TEX11: variants seen among roughly 807,000 people sequenced by gnomAD.
TEX11 encodes the protein testis-expressed protein 11.
TEX11 carries 7 observed loss-of-function variants against 84.4 expected under a neutral mutation model. The observed-to-expected ratio is 0.08, with a 90% confidence interval of 0.05 to 0.16. The LOEUF (loss-of-function observed/expected upper bound fraction) is 0.16. TEX11 is among the 10% of genes least tolerant of loss of function. The pLI, the probability that TEX11 is intolerant of heterozygous loss-of-function variation, is 1.00. For missense variants in TEX11, 551 were observed against 660.5 expected (o/e 0.83, Z 1.82); for synonymous variants, 264 against 222.8 (o/e 1.18, Z -1.64).
chrX:70,796,707 A>G (rs1401243917), intron 9 of TEX11, among the ~76,000 whole-genome samples: 1 of 112,429 alleles, frequency 8.9e-6, no homozygotes, highest in East Asian at 2.8e-4. Context: ...CTTGCAAGCT[A>G]TGCATCCAAC....
intron 22 of TEX11, 90 bp downstream of exon 22, chrX:70,609,001 G>T: frequency 2.7e-6 from 2 of 732,205 alleles, no homozygotes; most frequent in Non-Finnish European, 4.0e-6. Context: ...TGTACCCACA[G>T]CTACAAATGA....
chrX:70,613,864 T>C (rs1461926069), intron 20 of TEX11, among the ~76,000 whole-genome samples: 1 of 111,283 alleles, frequency 9.0e-6, no homozygotes, highest in Non-Finnish European at 1.9e-5. Context: ...CACAGTAGGA[T>C]AGGGCACTGG....
intron 9 of TEX11, among the ~76,000 whole-genome samples, chrX:70,778,106 C>G (rs950017110): frequency 9.0e-6 from 1 of 111,361 alleles, no homozygotes; most frequent in Non-Finnish European, 1.9e-5. Context: ...ATACTTATAT[C>G]AGAAAAAAAT....
chrX:70,594,260 C>G (rs942256205), intron 24 of TEX11, among the ~76,000 whole-genome samples: 13 of 110,844 alleles, frequency 1.2e-4, no homozygotes, highest in Non-Finnish European at 2.3e-4. Flanking sequence ...AATCTAATAC[C>G]TAGCAAAACT....
intron 9 of TEX11, among the ~76,000 whole-genome samples, chrX:70,746,887 C>T (rs1171308110): frequency 1.8e-5 from 2 of 112,217 alleles, no homozygotes; most frequent in East Asian, 2.8e-4. Context: ...CACCCACTCA[C>T]GCACAATCAG....
At chrX:70,612,972 A>T (rs1440762741) in intron 20 of TEX11, among the ~76,000 whole-genome samples, 1 of 112,145 alleles carries the variant, frequency 8.9e-6, no homozygotes, top group African/African-American at 3.2e-5. Flanking sequence ...AAAGATAAGA[A>T]TTACATTCTA....
chrX:70,810,674 A>G (rs913086587), intron 8 of TEX11, among the ~76,000 whole-genome samples: 1 of 110,877 alleles, frequency 9.0e-6, no homozygotes, highest in African/African-American at 3.3e-5. Context: ...GGATAGCATT[A>G]GGAGAAATAC....
chrX:70,869,031 TTAAAGTAAAATAAAATAAAA>T (rs2091614419), intron 4 of TEX11, among the ~76,000 whole-genome samples: 1 of 65,951 alleles, frequency 1.5e-5, no homozygotes, highest in East Asian at 3.6e-4. Flanking sequence ...ATCCCAGAAC[TTAAAGTAAAATAAAATAAAA>T]TAAAATAAAA....
chrX:70,550,183 A>T (rs1408654067), intron 28 of TEX11, among the ~76,000 whole-genome samples: 1 of 112,909 alleles, frequency 8.9e-6, no homozygotes, highest in African/African-American at 3.2e-5. Context: ...AAAACTGGAT[A>T]TCCATATGCA....
chrX:70,895,134 C>G (rs1166318505), intron 2 of TEX11, among the ~76,000 whole-genome samples: 3 of 111,122 alleles, frequency 2.7e-5, no homozygotes, highest in Non-Finnish European at 5.7e-5. Context: ...TTAGACAACC[C>G]CATCATCTCA....
chrX:70,826,469 C>T (rs1284925674), intron 8 of TEX11, among the ~76,000 whole-genome samples: 3 of 111,774 alleles, frequency 2.7e-5, no homozygotes, highest in Non-Finnish European at 5.6e-5. Flanking sequence ...TCACAGTACC[C>T]GGTTTTAACT....
chrX:70,885,888 CAAA>C (rs780384460), intron 2 of TEX11, among the ~76,000 whole-genome samples: 2 of 41,391 alleles, frequency 4.8e-5, no homozygotes, highest in African/African-American at 6.6e-5. Flanking sequence ...GACACTGCCA[CAAA>C]AAAAAAAAAA....
At chrX:70,894,371 T>A (rs2091755728) in intron 2 of TEX11, among the ~76,000 whole-genome samples, 1 of 110,520 alleles carries the variant, frequency 9.0e-6, no homozygotes, top group South Asian at 3.9e-4. Context: ...CTCACACCTG[T>A]AATCCCAGCA....
intron 9 of TEX11, among the ~76,000 whole-genome samples, chrX:70,757,958 AG>A (rs758295391): frequency 9.0e-6 from 1 of 111,707 alleles, no homozygotes; most frequent in South Asian, 3.8e-4. Context: ...CAGAAAAAAA[AG>A]CAGGGGTTGC....
At chrX:70,689,607 C>G (rs1253598844) in intron 13 of TEX11, among the ~76,000 whole-genome samples, 1 of 111,323 alleles carries the variant, frequency 9.0e-6, no homozygotes, top group Non-Finnish European at 1.9e-5. Flanking sequence ...TCCCAATGGC[C>G]AAAGCTAAAA....
intron 2 of TEX11, among the ~76,000 whole-genome samples, chrX:70,899,958 G>A (rs775751233): frequency 8.2e-4 from 82 of 99,923 alleles, no homozygotes; most frequent in African/African-American, 2.7e-3. Flanking sequence ...GTTTCACCAT[G>A]TTGGCCAGAA....
At chrX:70,570,817 C>T (rs1241446657) in intron 25 of TEX11, among the ~76,000 whole-genome samples, 2 of 111,538 alleles carry the variant, frequency 1.8e-5, no homozygotes, top group African/African-American at 6.5e-5. Context: ...TCCAAACTGT[C>T]AAATTTATTG....
At chrX:70,830,161 C>T (rs373028419) in intron 8 of TEX11, among the ~76,000 whole-genome samples, 43 of 110,926 alleles carry the variant, frequency 3.9e-4, no homozygotes, top group East Asian at 3.4e-3. Context: ...TGAAAATAAA[C>T]GGATGGAAAA....
At chrX:70,582,672 TTTAGAATTGTGTTACCTCCTATG>T (rs1297030372) in intron 25 of TEX11, among the ~76,000 whole-genome samples, 2 of 111,352 alleles carry the variant, frequency 1.8e-5, no homozygotes, top group Non-Finnish European at 3.8e-5. Flanking sequence ...GCTAAAGTTC[TTTAGAATTGTGTTACCTCCTATG>T]TTAGAATTGT....
Sources: gnomAD v4.1 joint callset for allele counts (sites outside exome capture counted in the v4.1 genomes callset) on GRCh38, gnomAD v4.1.1 for gene constraint, MANE v1.5 for transcripts, NCBI Gene and HGNC (gene_info 2026-07-23, HGNC 2026-07-21) for gene names.